The following ST6GALNAC3 variants were observed in gnomAD, a reference collection of about 807,000 sequenced individuals.
ST6GALNAC3 encodes alpha-N-acetylgalactosaminide alpha-2,6-sialyltransferase 3.
In ST6GALNAC3, 25 loss-of-function variants were observed where a neutral mutation model predicts 32.7. The observed-to-expected ratio is 0.76, with a 90% confidence interval of 0.56 to 1.07. The LOEUF is 1.07. Ranked by LOEUF, ST6GALNAC3 falls within the 50% of genes least tolerant of loss-of-function variation. The pLI is 0.00. For missense variants in ST6GALNAC3, 355 were observed against 382.4 expected (o/e 0.93, Z 0.60); for synonymous variants, 129 against 133.1 (o/e 0.97, Z 0.21).
At chr1:76,298,453 G>C (rs192410377) in intron 1 of ST6GALNAC3, among the ~76,000 whole-genome samples, 2 of 151,956 alleles carry the variant, frequency 1.3e-5, no homozygotes, top group African/African-American at 4.8e-5. Flanking sequence ...AAGCACCCTC[G>C]GGCAAATTTT....
rs187204494 is a variant in ST6GALNAC3 at position 76,557,971 on chromosome 1, G to A, written c.624-69481G>A. Reference sequence around the variant, plus strand: ...TACAAAAGATGAAACATGTTAGTAAGAGGGAGCTATGGTGGTTCCCAAATG... The same window carrying A: ...TACAAAAGATGAAACATGTTAGTAAAAGGGAGCTATGGTGGTTCCCAAATG... On this transcript the variant is annotated intron_variant, in intron 3 of 4. Coordinates refer to ENST00000328299, the MANE Select transcript of ST6GALNAC3 (RefSeq NM_152996.4). Among the ~76,000 whole-genome samples the A allele has an allele frequency of 3.3e-5, 5 of 152,252 alleles. No homozygotes were observed. In the East Asian group the frequency reaches 7.7e-4, roughly 24 times the overall value.
intron 1 of ST6GALNAC3, among the ~76,000 whole-genome samples, chr1:76,212,790 G>A (rs757184096): frequency 7.9e-5 from 12 of 152,086 alleles, no homozygotes; most frequent in Non-Finnish European, 1.6e-4. Context: ...AAGCTCATCC[G>A]CTCAGTGAAA....
At chr1:76,274,317 A>G (rs1224984576) in intron 1 of ST6GALNAC3, among the ~76,000 whole-genome samples, 1 of 152,224 alleles carries the variant, frequency 6.6e-6, no homozygotes, top group African/African-American at 2.4e-5. Context: ...CCTTTTAAAT[A>G]CATACCTGCT....
rs79503415 is a variant in ST6GALNAC3 at position 76,221,301 on chromosome 1, A to T, written c.19-92504A>T. On this transcript the variant is annotated intron_variant, in intron 1 of 4. Transcript: ENST00000328299. ...ATATTGCATCATAAACTTACGTTTT[A>T]TGGAGCAAAGAGCCCTGGGCTTGGG... 2.1e-3 allele frequency among the ~76,000 whole-genome samples: 326 copies of T among 152,328 alleles called. 2 individuals carry two copies. The highest frequency in any genetic ancestry group is 3.7e-3 in the Non-Finnish European group (254 of 68,016).
intron 3 of ST6GALNAC3, among the ~76,000 whole-genome samples, chr1:76,489,259 G>C (rs1240770289): frequency 2.0e-5 from 3 of 152,156 alleles, no homozygotes; most frequent in Non-Finnish European, 4.4e-5. Context: ...AAGTATTACT[G>C]TTGGAAGAAA....
chr1:76,469,875 G>T (rs760353188), intron 3 of ST6GALNAC3, among the ~76,000 whole-genome samples: 3 of 152,100 alleles, frequency 2.0e-5, no homozygotes, highest in Non-Finnish European at 4.4e-5. Flanking sequence ...GGCCCCTCTT[G>T]CTCCTCTAGT....
At chr1:76,485,545 A>G (rs1031279863) in intron 3 of ST6GALNAC3, among the ~76,000 whole-genome samples, 6 of 152,146 alleles carry the variant, frequency 3.9e-5, no homozygotes, top group African/African-American at 1.4e-4. Context: ...GGTTGTTTGT[A>G]TTTCTGTGGG....
intron 1 of ST6GALNAC3, among the ~76,000 whole-genome samples, chr1:76,141,770 A>T (rs1650340938): frequency 1.3e-5 from 2 of 152,128 alleles, no homozygotes; most frequent in African/African-American, 4.8e-5. Context: ...TTATAATAGC[A>T]CCTTAGCATG....
intron 2 of ST6GALNAC3, among the ~76,000 whole-genome samples, chr1:76,327,668 CA>C (rs1241781401): frequency 6.6e-6 from 1 of 152,216 alleles, no homozygotes; most frequent in Non-Finnish European, 1.5e-5. Context: ...CGGCTCACTG[CA>C]ACCTCCACCT....
intron 2 of ST6GALNAC3, among the ~76,000 whole-genome samples, chr1:76,322,115 C>T (rs1226050342): frequency 6.6e-6 from 1 of 152,082 alleles, no homozygotes; most frequent in Non-Finnish European, 1.5e-5. Context: ...TATCAAATTA[C>T]CTCATTTGTG....
At chr1:76,626,100 C>T (rs1264577351) in intron 3 of ST6GALNAC3, among the ~76,000 whole-genome samples, 1 of 151,862 alleles carries the variant, frequency 6.6e-6, no homozygotes, top group Non-Finnish European at 1.5e-5. Context: ...AAAGAAGCAG[C>T]AGCAGCAGCA....
chr1:76,503,508 G>T (rs1236836639), intron 3 of ST6GALNAC3, among the ~76,000 whole-genome samples: 1 of 152,192 alleles, frequency 6.6e-6, no homozygotes, highest in East Asian at 1.9e-4. Context: ...ATCTGTTCCT[G>T]TCTTGCAGGA....
intron 1 of ST6GALNAC3, among the ~76,000 whole-genome samples, chr1:76,235,322 A>G (rs931945713): frequency 1.3e-5 from 2 of 152,040 alleles, no homozygotes; most frequent in African/African-American, 4.8e-5. Context: ...CCTGGGCAGT[A>G]TGGTGAGAAC....
At chr1:76,377,861 A>AT (rs1193735868) in intron 2 of ST6GALNAC3, among the ~76,000 whole-genome samples, 2 of 152,230 alleles carry the variant, frequency 1.3e-5, no homozygotes, top group African/African-American at 4.8e-5. Context: ...AATTGCAATC[A>AT]TATAACTGAA....
At chr1:76,350,305 GC>G (rs1318332590) in intron 2 of ST6GALNAC3, among the ~76,000 whole-genome samples, 1 of 152,048 alleles carries the variant, frequency 6.6e-6, no homozygotes, top group African/African-American at 2.4e-5. Context: ...AAGATGACAG[GC>G]GCACATCACT....
intron 2 of ST6GALNAC3, among the ~76,000 whole-genome samples, chr1:76,327,805 G>A (rs1464812312): frequency 6.6e-6 from 1 of 152,104 alleles, no homozygotes; most frequent in East Asian, 1.9e-4. Flanking sequence ...GGCCAAGCTG[G>A]TCTCAAACTC....
chr1:76,493,170 G>A (rs1347037682), intron 3 of ST6GALNAC3, among the ~76,000 whole-genome samples: 3 of 151,820 alleles, frequency 2.0e-5, no homozygotes, highest in South Asian at 4.2e-4. Flanking sequence ...TGCTGCCTTT[G>A]GAAATAAAGA....
intron 2 of ST6GALNAC3, among the ~76,000 whole-genome samples, chr1:76,319,576 G>T (rs1414048870): frequency 6.6e-6 from 1 of 152,144 alleles, no homozygotes; most frequent in East Asian, 1.9e-4. Context: ...AAGCTGACAT[G>T]AATAGGTTTT....
chr1:76,418,921 G>A (rs1442081411), intron 3 of ST6GALNAC3, among the ~76,000 whole-genome samples: 1 of 149,778 alleles, frequency 6.7e-6, no homozygotes, highest in Non-Finnish European at 1.5e-5. Flanking sequence ...CAAATGCGCT[G>A]GAAATTAAAA....
Sources: gnomAD v4.1 joint callset for allele counts (sites outside exome capture counted in the v4.1 genomes callset) on GRCh38, gnomAD v4.1.1 for gene constraint, MANE v1.5 for transcripts, NCBI Gene and HGNC (gene_info 2026-07-23, HGNC 2026-07-21) for gene names.